The following HS1BP3 variants were observed in gnomAD, a reference collection of about 807,000 sequenced individuals.
HS1BP3 encodes the protein HCLS1 binding protein 3.
Under a neutral mutation model 33.5 loss-of-function variants are expected in HS1BP3, and 32 were observed. The observed-to-expected ratio is 0.95, with a 90% CI of 0.72 to 1.28. The LOEUF is 1.28. HS1BP3 is among the 50% of genes most tolerant of loss of function. The pLI is 0.00. For missense variants in HS1BP3, 486 were observed against 502.3 expected (o/e 0.97, Z 0.31); for synonymous variants, 187 against 209.2 (o/e 0.89, Z 0.92).
chr2:20,618,073 GCGGTGCAGGCTGGGAGC>G lies in HS1BP3; in HGVS notation c.*897_*913del, dbSNP rs772265523. ...AATCATGCCCCACTGGCAGTGGGAG[GCGGTGCAGGCTGGGAGC>G]CCTGCCCAGGCCCCAGGCTGAGCTG... On this transcript the variant is annotated 3_prime_UTR_variant, in exon 7 of 7. Coordinates refer to ENST00000304031, the MANE Select transcript of HS1BP3 (RefSeq NM_022460.4). The G allele has an allele frequency of 5.9e-5, 9 of 152,550 alleles. No individual in the cohort carries two copies. Among genetic ancestry groups the G allele is most frequent in the Admixed American group, 2.6e-4 (4 of 15,312 alleles). 9.4% of individuals were successfully genotyped at this position (152,550 alleles called of 1,614,324 possible).
chr2:20,584,023 G>A (rs1693622955), intron 5 of HS1BP3, among the ~76,000 whole-genome samples: 1 of 152,208 alleles, frequency 6.6e-6, no homozygotes, highest in South Asian at 2.1e-4. Context: ...TGACCCTCCA[G>A]CAACAGGGCC....
intron 2 of HS1BP3, among the ~76,000 whole-genome samples, chr2:20,602,361 G>T (rs1478504159): frequency 6.6e-6 from 1 of 152,042 alleles, no homozygotes; most frequent in African/African-American, 2.4e-5. Context: ...GAAGCTCTGT[G>T]AATGTAATTC....
At chr2:20,633,742 T>C (rs12622027) in intron 4 of HS1BP3, among the ~76,000 whole-genome samples, 13,480 of 152,206 alleles carry the variant, frequency 0.089, 648 homozygotes, top group South Asian at 0.14. Flanking sequence ...AGGCTGGTCT[T>C]GAACTCCTGA....
At chr2:20,643,142 G>A (rs995153355) in intron 2 of HS1BP3, among the ~76,000 whole-genome samples, 12 of 152,226 alleles carry the variant, frequency 7.9e-5, no homozygotes, top group African/African-American at 2.9e-4. Flanking sequence ...GAGTAAAGGA[G>A]TTCTTTGCCC....
chr2:20,598,759 T>C (rs923015087), intron 2 of HS1BP3, among the ~76,000 whole-genome samples: 1 of 151,708 alleles, frequency 6.6e-6, no homozygotes, highest in Non-Finnish European at 1.5e-5. Flanking sequence ...GGGGTTTCAC[T>C]GTTTTAGCCG....
At chr2:20,650,582 C>T (rs1695661784) in intron 1 of HS1BP3, among the ~76,000 whole-genome samples, 1 of 152,244 alleles carries the variant, frequency 6.6e-6, no homozygotes, top group South Asian at 2.1e-4. Flanking sequence ...CCGCTGCTGG[C>T]ATCACCCCCT....
intron 4 of HS1BP3, among the ~76,000 whole-genome samples, chr2:20,629,248 G>A (rs577417155): frequency 1.4e-4 from 21 of 152,226 alleles, no homozygotes; most frequent in African/African-American, 3.6e-4. Flanking sequence ...ACATGGAGTC[G>A]GGTCAGGTCG....
chr2:20,606,021 C>T (rs1416830202), intron 2 of HS1BP3, among the ~76,000 whole-genome samples: 8 of 152,148 alleles, frequency 5.3e-5, no homozygotes, highest in African/African-American at 1.7e-4. Flanking sequence ...GGAACCACCA[C>T]ACTATTTTCC....
At chr2:20,563,989 C>A (rs1371233262) in intron 5 of HS1BP3, among the ~76,000 whole-genome samples, 5 of 152,130 alleles carry the variant, frequency 3.3e-5, no homozygotes, top group Non-Finnish European at 7.3e-5. Context: ...GTTGTGCATG[C>A]ATAATATTAT....
intron 2 of HS1BP3, among the ~76,000 whole-genome samples, chr2:20,642,587 A>T (rs1474402090): frequency 1.1e-4 from 16 of 152,136 alleles, no homozygotes; most frequent in Admixed American, 1.0e-3. Flanking sequence ...TGCTGGCCCG[A>T]CTGCTCCCCT....
Position 20,595,817 on chromosome 2 carries a change from G to A in HS1BP3, c.*12+2391C>T, listed in dbSNP as rs563727680. Among the ~76,000 whole-genome samples, 114 of 152,300 alleles carry A rather than the reference G, an allele frequency of 7.5e-4. 1 individual carries two copies. Among genetic ancestry groups the A allele is most frequent in the Non-Finnish European group, 1.3e-3 (88 of 68,004 alleles). ...GTGATGGTCACGTCCATCCATCACG[G>A]CCCATCAGGGGAGCAGGCCTCTTGG... On this transcript the variant is annotated intron_variant, in intron 3 of 3. Transcript: ENST00000415264.
At position 20,581,256 on chromosome 2, in the gene HS1BP3, C is replaced by T. The variant is rs572299753; in HGVS notation, c.303-20741G>A. Among the ~76,000 whole-genome samples the T allele has an allele frequency of 2.2e-4, 33 of 152,342 alleles. 1 individual carries two copies. The South Asian group carries it at 6.0e-3, about 28-fold the overall frequency. On this transcript the variant is annotated intron_variant, in intron 5 of 5. Coordinates refer to the HS1BP3 transcript ENST00000446825. ...ATTCCGAAGCCTTCCATTTATCTCA[C>T]TGTCTGTATTAGTGTTCTATTTAGT...
chr2:20,629,074 T>A (rs1694887758), intron 4 of HS1BP3, among the ~76,000 whole-genome samples: 1 of 152,118 alleles, frequency 6.6e-6, no homozygotes, highest in African/African-American at 2.4e-5. Context: ...TGCTTATACA[T>A]CTGGACAGTT....
At chr2:20,627,092 G>A (rs1343853618) in intron 4 of HS1BP3, among the ~76,000 whole-genome samples, 4 of 152,216 alleles carry the variant, frequency 2.6e-5, no homozygotes, top group Admixed American at 1.3e-4. Context: ...TGTTCTGCCC[G>A]ATGCTTCTCT....
At chr2:20,640,845 C>T (rs755928313) in intron 3 of HS1BP3, 128 bp downstream of exon 3, 2 of 896,054 alleles carry the variant, frequency 2.2e-6, no homozygotes, top group Non-Finnish European at 3.6e-6. Context: ...AGGCCACCTG[C>T]CTCACCAGCC....
rs577112823 is a variant in HS1BP3 at position 20,594,299 on chromosome 2, G to A, written c.*13-1505C>T. The stretch of plus-strand genomic sequence containing the variant: ...TTTGTGAGTGGGCTTTGGGCAACAC[G>A]TCCACGTGAGTCTATGGATGCCTGA... On this transcript the variant is annotated intron_variant, in intron 3 of 3. Transcript: ENST00000415264. Among the ~76,000 whole-genome samples the A allele has an allele frequency of 5.3e-5, 8 of 152,354 alleles. 1 individual carries two copies. Among genetic ancestry groups the A allele is most frequent in the South Asian group, 4.1e-4 (2 of 4,830 alleles).
rs116671418 is a variant in HS1BP3 at position 20,641,319 on chromosome 2, C to T, written c.199-139G>A. On this transcript the variant is annotated intron_variant, in intron 2 of 6. Transcript: ENST00000304031. Reference sequence around the variant, plus strand: ...GCCCGCCTGCTGCCCCTCTGCCTGTCTCCCAGCCTCAGGCTCCAGTCCTTA... The same window carrying T: ...GCCCGCCTGCTGCCCCTCTGCCTGTTTCCCAGCCTCAGGCTCCAGTCCTTA... The T allele has an allele frequency of 2.7e-3, 1,906 of 694,828 alleles. 26 individuals are homozygous for T. In the African/African-American group the frequency reaches 0.029, roughly 11 times the overall value. 43.0% of individuals were successfully genotyped at this position (694,828 alleles called of 1,614,324 possible). A position where few individuals can be genotyped will look rare whatever the true frequency, so the allele number is the denominator to read the frequency against.
downstream of HS1BP3, among the ~76,000 whole-genome samples, chr2:20,559,376 T>C (rs1346208137): frequency 1.3e-5 from 2 of 152,370 alleles, no homozygotes; most frequent in East Asian, 1.9e-4. Context: ...TTGGGTCCTT[T>C]CTACAGGGTC....
At chr2:20,640,506 C>T in intron 3 of HS1BP3, 1 of 373,458 alleles carries the variant, frequency 2.7e-6, no homozygotes, top group Non-Finnish European at 4.8e-6. Context: ...ATGACCCTCT[C>T]TGTGGGGGCA....
Sources: allele counts gnomAD v4.1 joint callset (sites outside exome capture counted in the v4.1 genomes callset), GRCh38; gene constraint gnomAD v4.1.1; transcripts MANE v1.5; gene names NCBI Gene and HGNC (gene_info 2026-07-23, HGNC 2026-07-21).